A2M: variants seen among roughly 807,000 people sequenced by gnomAD.
The protein encoded by A2M is C3 and PZP-like alpha-2-macroglobulin domain-containing protein 5.
Under a neutral mutation model 183.9 loss-of-function variants are expected in A2M, and 128 were observed. The ratio of observed to expected loss-of-function variants is 0.70; its 90% CI spans 0.60 to 0.81. A2M has a LOEUF of 0.81. Among genes scored for constraint, A2M ranks in the 30% least tolerant of loss-of-function variants. The probability of loss-of-function intolerance (pLI) is 0.00; values close to 1 mark genes in which losing one functional copy is unlikely to be tolerated. For missense variants in A2M, 1,495 were observed against 1,787.6 expected (o/e 0.84, Z 2.95); for synonymous variants, 592 against 670.8 (o/e 0.88, Z 1.81).
chr12:9,072,360 T>A lies in A2M; in HGVS notation c.4102A>T (p.Ser1368Cys). 6.2e-7 allele frequency: 1 copy of A among 1,613,830 alleles called. No individual in the cohort carries two copies. Among genetic ancestry groups the A allele is most frequent in the South Asian group, 1.1e-5 (1 of 91,004 alleles). Residue 1368 changes from serine (S) to cysteine (C), a missense_variant and splice_region_variant, in exon 31 of 36, where the codon AGT becomes TGT. Transcript: ENST00000318602. ...HTSFQISLSV[S>C]YTGSRSASNM... ...GGTGATAGAGTCAGAAGGTCTTACC[T>A]GACACTTAGGGAGATTTGGAAGCTG...
At chr12:9,077,296 T>G (rs759769819) in intron 27 of A2M, 50 bp downstream of exon 27, 1 of 1,527,622 alleles carries the variant, frequency 6.5e-7, no homozygotes, top group Non-Finnish European at 9.0e-7. Flanking sequence ...GGTCAGCAGT[T>G]TCATTGCATC....
intron 18 of A2M, among the ~76,000 whole-genome samples, chr12:9,092,542 C>A (rs1253633271): frequency 1.3e-5 from 2 of 152,140 alleles, no homozygotes; most frequent in East Asian, 3.9e-4. Context: ...ACTCCAGGAG[C>A]CTGAAAGGGA....
chr12:9,100,705 TGGAAATGGTCTCTCGTTACTTGAAA>T lies in A2M; in HGVS notation c.1558+414_1558+438del, dbSNP rs1937765591. Among the ~76,000 whole-genome samples, 3 of 152,354 alleles carry T rather than the reference TGGAAATGGTCTCTCGTTACTTGAAA, an allele frequency of 2.0e-5. No homozygotes were observed. In the South Asian group the frequency reaches 6.2e-4, roughly 32 times the overall value. On this transcript the variant is annotated intron_variant, in intron 13 of 35. Coordinates refer to ENST00000318602, the MANE Select transcript of A2M (RefSeq NM_000014.6). The stretch of plus-strand genomic sequence containing the variant: ...CAACTTTCTTTTAATTAATATTAGA[TGGAAATGGTCTCTCGTTACTTGAAA>T]GTATTCCTGATATTCCCAGCTCAGG...
intron 4 of A2M, among the ~76,000 whole-genome samples, chr12:9,111,820 A>C (rs1271367730): frequency 6.6e-6 from 1 of 152,154 alleles, no homozygotes; most frequent in East Asian, 1.9e-4. Context: ...GTATAGAAAA[A>C]ATCTAAATCT....
At chr12:9,115,491 A>G (rs774481709) in intron 1 of A2M, 2 of 337,552 alleles carry the variant, frequency 5.9e-6, no homozygotes, top group Non-Finnish European at 1.1e-5. Context: ...GTAGATCAAT[A>G]TGAATGTGAA....
In A2M at chr12:9,101,659, G is replaced by T; in HGVS notation, c.1282C>A (p.Arg428Ser). The change falls in exon 12 of 36, where the codon CGT (arginine) becomes AGT (serine). Residue 428 changes from arginine (R) to serine (S), a missense_variant. Coordinates refer to ENST00000318602, the MANE Select transcript of A2M (RefSeq NM_000014.6). ...SLTVRVNYKDRSPCYGYQWVS... is the reference protein window; with the variant it reads ...SLTVRVNYKDSSPCYGYQWVS... ...CACTGGTAGCCGTAACAGGGACTAC[G>T]ATCCTTGTAATTGACCTAATGAATT... 6.2e-7 allele frequency: 1 copy of T among 1,612,152 alleles called. No individual in the cohort carries two copies. Among genetic ancestry groups the T allele is most frequent in the South Asian group, 1.1e-5 (1 of 90,916 alleles).
chr12:9,079,895 G>A, intron 23 of A2M, 80 bp from the exon 24 acceptor site: 1 of 1,332,772 alleles, frequency 7.5e-7, no homozygotes, highest in Non-Finnish European at 9.9e-7. Context: ...ATAATTAGTT[G>A]AGCTTAGAAA....
intron 8 of A2M, among the ~76,000 whole-genome samples, chr12:9,107,195 T>G (rs758963789): frequency 8.5e-5 from 13 of 152,214 alleles, no homozygotes; most frequent in African/African-American, 3.1e-4. Context: ...TGTGATAGGT[T>G]CTTGTTCACA....
intron 9 of A2M, 73 bp from the exon 10 acceptor site, chr12:9,106,418 C>T: frequency 7.0e-7 from 1 of 1,434,000 alleles, no homozygotes; most frequent in Non-Finnish European, 9.7e-7. Flanking sequence ...CTCCCCCCAA[C>T]TTACAATTCA....
intron 15 of A2M, 178 bp downstream of exon 15, chr12:9,098,429 G>A (rs967837455): frequency 2.7e-6 from 1 of 368,658 alleles, no homozygotes; most frequent in Non-Finnish European, 4.4e-6. Context: ...GAAGTGAGTA[G>A]TTATATATAT....
chr12:9,102,496 G>C (rs777330097), intron 11 of A2M, among the ~76,000 whole-genome samples: 11 of 152,096 alleles, frequency 7.2e-5, no homozygotes, highest in Non-Finnish European at 1.3e-4. Flanking sequence ...GATTACAGGC[G>C]TGAGCTACCG....
At chr12:9,101,897 T>A (rs760502223) in intron 11 of A2M, among the ~76,000 whole-genome samples, 15 of 152,256 alleles carry the variant, frequency 9.9e-5, no homozygotes, top group Non-Finnish European at 2.2e-4. Flanking sequence ...GAGATTTATA[T>A]TTCTTAAGAG....
At chr12:9,095,850 C>G in intron 15 of A2M, 150 bp from the exon 16 acceptor site, 3 of 613,088 alleles carry the variant, frequency 4.9e-6, no homozygotes. Flanking sequence ...AGCTCCGCTT[C>G]CCGGGTTCAC....
At chr12:9,109,788 C>G in intron 6 of A2M, 79 bp downstream of exon 6, 2 of 1,396,796 alleles carry the variant, frequency 1.4e-6, no homozygotes, top group African/African-American at 1.4e-5. Context: ...TGGAAAGACT[C>G]CAAATGAACT....
intron 24 of A2M, 67 bp from the exon 25 acceptor site, chr12:9,079,398 A>G: frequency 1.4e-6 from 2 of 1,470,364 alleles, no homozygotes; most frequent in South Asian, 2.3e-5. Context: ...AGAAATTACT[A>G]AAAGTACCTT....
At chr12:9,070,417 G>A in intron 32 of A2M, 71 bp downstream of exon 32, 1 of 993,778 alleles carries the variant, frequency 1.0e-6, no homozygotes, top group Non-Finnish European at 1.6e-6. Context: ...TTTGATATTA[G>A]TATTGTCTTA....
At chr12:9,083,954 C>T (rs975015147) in intron 22 of A2M, among the ~76,000 whole-genome samples, 1 of 151,952 alleles carries the variant, frequency 6.6e-6, no homozygotes, top group African/African-American at 2.4e-5. Context: ...ATATCACATA[C>T]AAAGGAATTC....
Position 9,090,084 on chromosome 12 carries a change from C to T in A2M, c.2597-61G>A, listed in dbSNP as rs755509764. 3.2e-6 allele frequency: 5 copies of T among 1,552,934 alleles called. No homozygotes were observed. In the East Asian group the frequency reaches 1.1e-4, roughly 35 times the overall value. On this transcript the variant is annotated intron_variant, in intron 20 of 35. Coordinates refer to ENST00000318602, the MANE Select transcript of A2M (RefSeq NM_000014.6). Reference sequence around the variant, plus strand: ...TCCCCTTCCTCCATGCCTCCAAACTCAAGATTTAGAAATGTTCAATGCTCT... The same window carrying T: ...TCCCCTTCCTCCATGCCTCCAAACTTAAGATTTAGAAATGTTCAATGCTCT...
chr12:9,104,366 G>T lies in A2M; in HGVS notation c.1139C>A (p.Pro380Gln). Residue 380 changes from proline to glutamine, a missense_variant, in exon 11 of 36, where the codon CCA becomes CAA. Physicochemically the swap from Pro to Gln is moderately conservative, Grantham distance 76. Transcript: ENST00000318602. ...TCCTCTGATGAATATGACTTTATTT[G>T]GTATAGGGACGCCTTTCCCATCTAC... ...RLVDGKGVPI[P>Q]NKVIFIRGNE... The T allele has an allele frequency of 6.2e-7, 1 of 1,600,708 alleles. No individual in the cohort carries two copies.
Sources: allele counts gnomAD v4.1 joint callset (sites outside exome capture counted in the v4.1 genomes callset), GRCh38; gene constraint gnomAD v4.1.1; transcripts MANE v1.5; gene names NCBI Gene and HGNC (gene_info 2026-07-23, HGNC 2026-07-21).